The following GNA14 variants were observed in gnomAD, a reference collection of about 807,000 sequenced individuals.
The protein encoded by GNA14 is G protein subunit alpha 14.
In GNA14, 50 loss-of-function variants were observed where a neutral mutation model predicts 42.0. The observed-to-expected ratio is 1.19, with a 90% CI of 0.95 to 1.51. The LOEUF (loss-of-function observed/expected upper bound fraction) is 1.51, where lower values mean the gene tolerates loss of function less well. GNA14 is among the 40% of genes most tolerant of loss of function. The pLI is 0.00. For synonymous variants in GNA14, 173 were observed against 163.1 expected (o/e 1.06, Z -0.46); for missense variants, 473 against 446.2 (o/e 1.06, Z -0.54).
At chr9:77,439,296 T>G (rs1835688062) in intron 2 of GNA14, among the ~76,000 whole-genome samples, 1 of 152,204 alleles carries the variant, frequency 6.6e-6, no homozygotes, top group Admixed American at 6.5e-5. Context: ...GACTATGGAA[T>G]ATGAAATGAA....
intron 1 of GNA14, among the ~76,000 whole-genome samples, chr9:77,624,179 C>T (rs1419146774): frequency 1.3e-5 from 2 of 152,156 alleles, no homozygotes; most frequent in Non-Finnish European, 2.9e-5. Context: ...CAGATCCCCC[C>T]ACAGCACTGC....
chr9:77,497,489 T>C (rs1836890535), intron 2 of GNA14, among the ~76,000 whole-genome samples: 1 of 152,204 alleles, frequency 6.6e-6, no homozygotes, highest in Non-Finnish European at 1.5e-5. Context: ...GCTTCAGACC[T>C]AGCAGGGCTG....
chr9:77,428,805 T>C (rs1387667886), intron 5 of GNA14, 102 bp downstream of exon 5: 13 of 1,150,870 alleles, frequency 1.1e-5, no homozygotes, highest in Non-Finnish European at 1.3e-6. Flanking sequence ...CAAGACTGTT[T>C]GACCTAATGA....
chr9:77,628,904 A>G (rs936498116), intron 1 of GNA14, among the ~76,000 whole-genome samples: 4 of 152,226 alleles, frequency 2.6e-5, no homozygotes, highest in African/African-American at 9.6e-5. Flanking sequence ...AAATTAAACT[A>G]AAGAGCTTCT....
At chr9:77,469,043 C>A (rs1351473996) in intron 2 of GNA14, among the ~76,000 whole-genome samples, 1 of 152,174 alleles carries the variant, frequency 6.6e-6, no homozygotes, top group Admixed American at 6.5e-5. Context: ...TTCCTTAGCA[C>A]GTCCACAAGG....
At chr9:77,605,825 A>G (rs1823637615) in intron 1 of GNA14, among the ~76,000 whole-genome samples, 1 of 152,228 alleles carries the variant, frequency 6.6e-6, no homozygotes, top group Non-Finnish European at 1.5e-5. Context: ...CAGTTACCTC[A>G]GCTTGAAATT....
chr9:77,571,676 T>C (rs1173920796), intron 1 of GNA14, among the ~76,000 whole-genome samples: 6 of 151,284 alleles, frequency 4.0e-5, no homozygotes, highest in Non-Finnish European at 7.4e-5. Context: ...GGCATATGCC[T>C]GTAATACCAG....
intron 1 of GNA14, among the ~76,000 whole-genome samples, chr9:77,598,306 T>C (rs1823499398): frequency 6.6e-6 from 1 of 152,172 alleles, no homozygotes; most frequent in Non-Finnish European, 1.5e-5. Flanking sequence ...ACTAGACAAA[T>C]ATTTGTCAAT....
At chr9:77,441,091 CT>C (rs1274910338) in intron 2 of GNA14, among the ~76,000 whole-genome samples, 9 of 152,128 alleles carry the variant, frequency 5.9e-5, no homozygotes, top group African/African-American at 1.9e-4. Context: ...GAGCAAATTG[CT>C]CCTGTCTTAA....
chr9:77,431,199 A>G, intron 4 of GNA14, 122 bp downstream of exon 4: 1 of 853,176 alleles, frequency 1.2e-6, no homozygotes. Flanking sequence ...TACCCTTGGC[A>G]GAGAGGGTCA....
At chr9:77,488,860 C>G (rs1445938643) in intron 2 of GNA14, among the ~76,000 whole-genome samples, 2 of 138,204 alleles carry the variant, frequency 1.4e-5, no homozygotes, top group Admixed American at 7.2e-5. Flanking sequence ...TCCTTCAGTG[C>G]AAAGAAACAG....
intron 1 of GNA14, among the ~76,000 whole-genome samples, chr9:77,636,149 A>G (rs1824180594): frequency 6.6e-6 from 1 of 152,214 alleles, no homozygotes; most frequent in South Asian, 2.1e-4. Context: ...TATAATTAAC[A>G]TATTTTTCAA....
At chr9:77,631,648 T>C (rs1408080169) in intron 1 of GNA14, among the ~76,000 whole-genome samples, 1 of 151,440 alleles carries the variant, frequency 6.6e-6, no homozygotes, top group Non-Finnish European at 1.5e-5. Context: ...AAAAGTAAAA[T>C]AAAACAAAAA....
chr9:77,464,067 C>A (rs1012334648), intron 2 of GNA14, among the ~76,000 whole-genome samples: 1 of 152,028 alleles, frequency 6.6e-6, no homozygotes, highest in African/African-American at 2.4e-5. Flanking sequence ...GTGGTGTAAT[C>A]TCAGGTCACT....
intron 1 of GNA14, among the ~76,000 whole-genome samples, chr9:77,630,595 A>G (rs1181186393): frequency 1.3e-5 from 2 of 152,234 alleles, no homozygotes; most frequent in African/African-American, 4.8e-5. Flanking sequence ...TAATAAGTGA[A>G]GCAAACAGTA....
intron 1 of GNA14, among the ~76,000 whole-genome samples, chr9:77,551,132 C>A (rs1170913543): frequency 2.6e-5 from 4 of 152,098 alleles, no homozygotes; most frequent in Non-Finnish European, 4.4e-5. Context: ...TGAAAATTTT[C>A]ATTATACTTT....
At chr9:77,481,255 T>C (rs1836548146) in intron 2 of GNA14, among the ~76,000 whole-genome samples, 1 of 152,228 alleles carries the variant, frequency 6.6e-6, no homozygotes, top group South Asian at 2.1e-4. Context: ...TGTGTCTTTG[T>C]TCTCATTGGT....
In GNA14 at chr9:77,630,710, G is replaced by T. The variant is rs12342014; in HGVS notation, c.124+16960C>A. Among the ~76,000 whole-genome samples the T allele has an allele frequency of 9.1e-3, 1,391 of 152,040 alleles. 25 individuals are homozygous for T. Among genetic ancestry groups the T allele is most frequent in the African/African-American group, 0.031 (1,301 of 41,478 alleles). ...GAGCATTAAAGCCTTAGAAAAACTA[G>T]TTTTTTTTAGCTTATATTCCGCTCT... On this transcript the variant is annotated intron_variant, in intron 1 of 6. Coordinates refer to ENST00000341700, the MANE Select transcript of GNA14 (RefSeq NM_004297.4).
In GNA14 at chr9:77,569,790, G is replaced by A. The variant is rs1481459506; in HGVS notation, c.125-40537C>T. On this transcript the variant is annotated intron_variant, in intron 1 of 6. Coordinates refer to ENST00000341700, the MANE Select transcript of GNA14 (RefSeq NM_004297.4). ...TCTTTCTTTTTTTTTTTTTTAAGACGGAGTTTCGCTCTTTCACCCAGGCAG... is the reference window on the plus strand; with the variant it reads ...TCTTTCTTTTTTTTTTTTTTAAGACAGAGTTTCGCTCTTTCACCCAGGCAG... Among the ~76,000 whole-genome samples the A allele has an allele frequency of 2.7e-5, 4 of 150,626 alleles. No individual in the cohort carries two copies. In the East Asian group the frequency reaches 5.8e-4, roughly 22 times the overall value.
Sources: gnomAD v4.1 joint callset for allele counts (sites outside exome capture counted in the v4.1 genomes callset) on GRCh38, gnomAD v4.1.1 for gene constraint, MANE v1.5 for transcripts, NCBI Gene and HGNC (gene_info 2026-07-23, HGNC 2026-07-21) for gene names.